Variants in GPM6A observed in about 807,000 individuals in gnomAD.
The protein encoded by GPM6A is glycoprotein M6A.
In GPM6A, 7 loss-of-function variants were observed where a neutral mutation model predicts 32.1. The ratio of observed to expected loss-of-function variants is 0.22; its 90% confidence interval spans 0.12 to 0.41. The LOEUF is 0.41. Among genes scored for constraint, GPM6A ranks in the 10% least tolerant of loss-of-function variants. The pLI, the probability that GPM6A is intolerant of heterozygous loss-of-function variation, is 1.00. For missense variants in GPM6A, 235 were observed against 347.2 expected (o/e 0.68, Z 2.57); for synonymous variants, 130 against 123.4 (o/e 1.05, Z -0.35).
In GPM6A at chr4:175,710,874, G is replaced by A. The variant is rs375927447; in HGVS notation, c.38-9107C>T. On this transcript the variant is annotated intron_variant, in intron 1 of 6. Transcript: ENST00000393658. ...TAGAGTCCTGACCCTTATGCTGTGTGTTCCAACTTGACCTCCAGTCTCAGG... is the reference window on the plus strand; with the variant it reads ...TAGAGTCCTGACCCTTATGCTGTGTATTCCAACTTGACCTCCAGTCTCAGG... 3.3e-5 allele frequency among the ~76,000 whole-genome samples: 5 copies of A among 152,236 alleles called. No individual in the cohort carries two copies. The East Asian group carries it at 7.7e-4, about 24-fold the overall frequency.
intron 1 of GPM6A, among the ~76,000 whole-genome samples, chr4:175,958,483 C>T (rs574968624): frequency 3.9e-5 from 6 of 152,318 alleles, no homozygotes; most frequent in Non-Finnish European, 8.8e-5. Flanking sequence ...CCACTTTCAA[C>T]ATCTGTCTCT....
chr4:175,636,168 T>C (rs893175596), intron 6 of GPM6A, among the ~76,000 whole-genome samples: 1 of 150,404 alleles, frequency 6.6e-6, no homozygotes, highest in African/African-American at 2.4e-5. Context: ...TTTAGCATTT[T>C]GTTTAAGGAA....
chr4:175,679,026 T>G (rs1432165713), intron 2 of GPM6A, among the ~76,000 whole-genome samples: 3 of 152,262 alleles, frequency 2.0e-5, no homozygotes, highest in Admixed American at 6.5e-5. Context: ...ATTGACATAC[T>G]TATGTCAAAT....
At chr4:175,881,921 A>G (rs929949009) in intron 1 of GPM6A, among the ~76,000 whole-genome samples, 3 of 152,196 alleles carry the variant, frequency 2.0e-5, no homozygotes, top group Non-Finnish European at 2.9e-5. Flanking sequence ...GCACATCAAC[A>G]TGGCACATGT....
At chr4:175,889,518 CA>C (rs35210127) in intron 1 of GPM6A, among the ~76,000 whole-genome samples, 54,737 of 136,900 alleles carry the variant, frequency 0.4, 10,370 homozygotes, top group South Asian at 0.53. Context: ...ACCCTGTCTC[CA>C]AAAAAAAAAA....
At chr4:175,651,617 C>T (rs1311264561) in intron 4 of GPM6A, among the ~76,000 whole-genome samples, 2 of 152,118 alleles carry the variant, frequency 1.3e-5, no homozygotes, top group African/African-American at 4.8e-5. Context: ...GGTCAATATA[C>T]ATGTGTATAT....
At chr4:175,798,036 T>C (rs1734305959) in intron 1 of GPM6A, among the ~76,000 whole-genome samples, 1 of 152,056 alleles carries the variant, frequency 6.6e-6, no homozygotes, top group Admixed American at 6.6e-5. Context: ...GAAACTTGAG[T>C]TGGGGAAATG....
At chr4:175,687,130 G>A (rs1338454049) in intron 2 of GPM6A, among the ~76,000 whole-genome samples, 1 of 152,090 alleles carries the variant, frequency 6.6e-6, no homozygotes, top group Non-Finnish European at 1.5e-5. Flanking sequence ...GAATGTTTAG[G>A]GTTGTGGTAA....
At chr4:175,667,152 T>G (rs942312012) in intron 3 of GPM6A, among the ~76,000 whole-genome samples, 1 of 152,238 alleles carries the variant, frequency 6.6e-6, no homozygotes, top group Non-Finnish European at 1.5e-5. Flanking sequence ...CTTTATGTAA[T>G]TATTTTTAGT....
At chr4:175,867,846 G>C (rs1038922349) in intron 1 of GPM6A, among the ~76,000 whole-genome samples, 4 of 152,186 alleles carry the variant, frequency 2.6e-5, no homozygotes, top group Admixed American at 6.5e-5. Context: ...AGATCAGTTA[G>C]GTTCTGATCA....
chr4:175,989,325 A>G (rs973250483), intron 1 of GPM6A, among the ~76,000 whole-genome samples: 2 of 152,160 alleles, frequency 1.3e-5, no homozygotes, highest in Non-Finnish European at 2.9e-5. Flanking sequence ...CTCTTTAAAC[A>G]TTCATCGTTT....
intron 1 of GPM6A, among the ~76,000 whole-genome samples, chr4:175,779,035 TATTAC>T (rs1733509646): frequency 6.6e-6 from 1 of 152,108 alleles, no homozygotes; most frequent in Non-Finnish European, 1.5e-5. Flanking sequence ...GTAAAATATG[TATTAC>T]AAAATGATAT....
chr4:175,651,481 A>G (rs952010033), intron 4 of GPM6A, among the ~76,000 whole-genome samples: 3 of 152,092 alleles, frequency 2.0e-5, no homozygotes, highest in African/African-American at 7.2e-5. Flanking sequence ...CATTTTGTGC[A>G]GTTTATCATG....
chr4:175,904,455 T>C (rs1270470597), intron 1 of GPM6A, among the ~76,000 whole-genome samples: 1 of 152,114 alleles, frequency 6.6e-6, no homozygotes, highest in Non-Finnish European at 1.5e-5. Flanking sequence ...CACATATATA[T>C]ACACACACAT....
intron 1 of GPM6A, among the ~76,000 whole-genome samples, chr4:175,732,674 C>T (rs1286209018): frequency 6.6e-6 from 1 of 152,088 alleles, no homozygotes; most frequent in Non-Finnish European, 1.5e-5. Flanking sequence ...AACTCAAATA[C>T]TTAATACCAT....
At chr4:175,894,405 G>A (rs578115128) in intron 1 of GPM6A, among the ~76,000 whole-genome samples, 1 of 152,214 alleles carries the variant, frequency 6.6e-6, no homozygotes, top group African/African-American at 2.4e-5. Context: ...GCCTTAGCTC[G>A]AAAGACAGAG....
At chr4:175,649,437 T>C (rs1290744327) in intron 4 of GPM6A, among the ~76,000 whole-genome samples, 1 of 152,232 alleles carries the variant, frequency 6.6e-6, no homozygotes, top group African/African-American at 2.4e-5. Context: ...TTCTGTCCTT[T>C]AGAAAACAAA....
At chr4:175,995,376 T>TA (rs10541049) in intron 1 of GPM6A, among the ~76,000 whole-genome samples, 3,109 of 96,114 alleles carry the variant, frequency 0.032, 42 homozygotes, top group Non-Finnish European at 0.039. Flanking sequence ...TTTCAATTTG[T>TA]AAAAAAAAAA....
At chr4:175,991,647 A>G (rs1223891542) in intron 1 of GPM6A, among the ~76,000 whole-genome samples, 3 of 152,188 alleles carry the variant, frequency 2.0e-5, no homozygotes. Context: ...TTGAAAGCAC[A>G]ATTCCATTTC....
Sources: gnomAD v4.1 joint callset for allele counts (sites outside exome capture counted in the v4.1 genomes callset) on GRCh38, gnomAD v4.1.1 for gene constraint, MANE v1.5 for transcripts, NCBI Gene and HGNC (gene_info 2026-07-23, HGNC 2026-07-21) for gene names.